Variants in CNTN4 observed in about 807,000 individuals in gnomAD.
CNTN4 encodes contactin 4.
CNTN4 carries 77 observed loss-of-function variants against 122.5 expected under a neutral mutation model. The observed-to-expected ratio is 0.63, with a 90% CI of 0.52 to 0.76. CNTN4 has a LOEUF of 0.76. Among genes scored for constraint, CNTN4 ranks in the 30% least tolerant of loss-of-function variants. The pLI, the probability that CNTN4 is intolerant of heterozygous loss-of-function variation, is 0.00. For missense variants in CNTN4, 1,256 were observed against 1,259.1 expected (o/e 1.00, Z 0.04); for synonymous variants, 512 against 447.0 (o/e 1.15, Z -1.83).
At chr3:2,711,783 C>T (rs1328285871) in intron 4 of CNTN4, among the ~76,000 whole-genome samples, 1 of 152,106 alleles carries the variant, frequency 6.6e-6, no homozygotes, top group Non-Finnish European at 1.5e-5. Context: ...TTGTGAAAAC[C>T]TCAGGGAGAA....
intron 3 of CNTN4, among the ~76,000 whole-genome samples, chr3:2,382,160 T>A (rs2046049102): frequency 6.6e-6 from 1 of 151,050 alleles, no homozygotes; most frequent in Admixed American, 6.6e-5. Flanking sequence ...TTACATTTTC[T>A]TCCTATCGTG....
At chr3:2,344,023 C>T (rs2044304600) in intron 3 of CNTN4, among the ~76,000 whole-genome samples, 1 of 152,118 alleles carries the variant, frequency 6.6e-6, no homozygotes, top group Non-Finnish European at 1.5e-5. Flanking sequence ...TGAACTAATA[C>T]AGCAGGAATT....
intron 2 of CNTN4, among the ~76,000 whole-genome samples, chr3:2,292,902 T>C (rs1213952705): frequency 1.3e-5 from 2 of 152,238 alleles, no homozygotes; most frequent in African/African-American, 4.8e-5. Flanking sequence ...ACATATGCAC[T>C]CATTTCTATA....
intron 6 of CNTN4, among the ~76,000 whole-genome samples, chr3:2,800,130 T>G (rs1388217859): frequency 6.7e-6 from 1 of 149,602 alleles, no homozygotes; most frequent in African/African-American, 2.5e-5. Flanking sequence ...GTTCCACAGG[T>G]TGCTTTATTG....
At chr3:2,955,454 T>A (rs1179996820) in intron 13 of CNTN4, among the ~76,000 whole-genome samples, 3 of 152,286 alleles carry the variant, frequency 2.0e-5, no homozygotes, top group African/African-American at 7.2e-5. Flanking sequence ...GTCATCCTCA[T>A]TACCACAAAA....
intron 3 of CNTN4, among the ~76,000 whole-genome samples, chr3:2,359,290 T>C (rs531181408): frequency 6.6e-6 from 1 of 152,080 alleles, no homozygotes; most frequent in East Asian, 1.9e-4. Flanking sequence ...CGCATACAGC[T>C]ATGTAATTAT....
At position 3,030,881 on chromosome 3, in the gene CNTN4, C is replaced by A. The variant is rs765339587; in HGVS notation, c.1689C>A (p.Ile563=). The change falls in exon 16 of 25, where the codon ATC becomes ATA. Residue 563 remains isoleucine, a synonymous_variant. Transcript: ENST00000418658. ...GGQDSAGDLM[I]RNIQLKHAGK... ...AGGATTCAGCTGGTGATTTGATGATCCGAAACATCCAACTGAAGCATGCTG... is the reference window on the plus strand; with the variant it reads ...AGGATTCAGCTGGTGATTTGATGATACGAAACATCCAACTGAAGCATGCTG... The A allele has an allele frequency of 6.2e-7, 1 of 1,614,028 alleles. No homozygotes were observed. Among genetic ancestry groups the A allele is most frequent in the East Asian group, 2.2e-5 (1 of 44,888 alleles).
rs560757604 is a variant in CNTN4, at chr3:2,752,156, C to T, written c.358+6459C>T. 1.7e-4 allele frequency among the ~76,000 whole-genome samples: 26 copies of T among 152,266 alleles called. 1 individual carries two copies. The South Asian group carries it at 3.1e-3, about 18-fold the overall frequency. ...TGTCCTGTCTTTTTAAAATAACTAT[C>T]ACTTACAAAAACTTAATTGACTCAT... is the stretch of plus-strand genomic sequence containing the variant. On this transcript the variant is annotated intron_variant, in intron 6 of 24. Transcript: ENST00000418658.
At chr3:2,861,146 T>A (rs1222286457) in intron 7 of CNTN4, among the ~76,000 whole-genome samples, 1 of 152,216 alleles carries the variant, frequency 6.6e-6, no homozygotes, top group Non-Finnish European at 1.5e-5. Flanking sequence ...AATTATCCTA[T>A]TTTTCAGATG....
At chr3:2,366,277 A>G (rs2150590604) in intron 3 of CNTN4, among the ~76,000 whole-genome samples, 1 of 152,328 alleles carries the variant, frequency 6.6e-6, no homozygotes, top group South Asian at 2.1e-4. Context: ...AGGAAACTAA[A>G]TTCATCAAAT....
intron 23 of CNTN4, among the ~76,000 whole-genome samples, chr3:3,046,204 G>T (rs1468141993): frequency 6.6e-6 from 1 of 152,200 alleles, no homozygotes; most frequent in Non-Finnish European, 1.5e-5. Context: ...AAAACACTCT[G>T]CAGGATATTA....
At chr3:2,851,821 G>A (rs1003791117) in intron 7 of CNTN4, among the ~76,000 whole-genome samples, 2 of 152,088 alleles carry the variant, frequency 1.3e-5, no homozygotes, top group African/African-American at 2.4e-5. Context: ...ATGGGTTTCA[G>A]TACTGCCCTA....
chr3:2,545,661 G>T (rs546440167), intron 3 of CNTN4, among the ~76,000 whole-genome samples: 13 of 148,536 alleles, frequency 8.8e-5, no homozygotes, highest in Non-Finnish European at 1.9e-4. Flanking sequence ...TATAAAGTCT[G>T]TTTTGTCTGA....
chr3:2,989,632 TTAGAA>T (rs199991248), intron 14 of CNTN4, among the ~76,000 whole-genome samples: 1,680 of 152,256 alleles, frequency 0.011, 24 homozygotes, highest in African/African-American at 0.038. Flanking sequence ...AGTCCAAGAG[TTAGAA>T]CTAAATATAT....
At position 2,937,718 on chromosome 3, in the gene CNTN4, G is replaced by T. The variant is rs79292483; in HGVS notation, c.1358+11939G>T. 3.1e-3 allele frequency among the ~76,000 whole-genome samples: 472 copies of T among 152,252 alleles called. 1 individual carries two copies. The highest frequency in any genetic ancestry group is 8.0e-3 in the African/African-American group (331 of 41,540). On this transcript the variant is annotated intron_variant, in intron 13 of 24. Transcript: ENST00000418658. Reference sequence around the variant, plus strand: ...AAATTAACATAATATAGTCCAAACAGAATCCACAGCAGTGCTTAGGGAACA... The same window carrying T: ...AAATTAACATAATATAGTCCAAACATAATCCACAGCAGTGCTTAGGGAACA...
At chr3:3,003,802 T>C (rs1696322503) in intron 14 of CNTN4, among the ~76,000 whole-genome samples, 1 of 151,088 alleles carries the variant, frequency 6.6e-6, no homozygotes, top group South Asian at 2.1e-4. Flanking sequence ...CAGGCTGGAG[T>C]GCAGTAGCAT....
At chr3:2,109,215 G>A (rs945555810) in intron 2 of CNTN4, among the ~76,000 whole-genome samples, 2 of 152,100 alleles carry the variant, frequency 1.3e-5, no homozygotes, top group Non-Finnish European at 2.9e-5. Context: ...CAGTATTGGT[G>A]CATAACCCCT....
chr3:2,313,154 A>G (rs1414451932), intron 2 of CNTN4, among the ~76,000 whole-genome samples: 1 of 152,038 alleles, frequency 6.6e-6, no homozygotes. Flanking sequence ...ATAGAAAACA[A>G]CAGAAAATAG....
At chr3:2,840,581 C>T (rs1272175332) in intron 7 of CNTN4, among the ~76,000 whole-genome samples, 1 of 79,092 alleles carries the variant, frequency 1.3e-5, no homozygotes, top group Non-Finnish European at 3.1e-5. Context: ...CGCCTGTAGT[C>T]CCAGCTACTC....
Sources: gnomAD v4.1 joint callset for allele counts (sites outside exome capture counted in the v4.1 genomes callset) on GRCh38, gnomAD v4.1.1 for gene constraint, MANE v1.5 for transcripts, NCBI Gene and HGNC (gene_info 2026-07-23, HGNC 2026-07-21) for gene names.